DPP6: variants seen among roughly 807,000 people sequenced by gnomAD.
DPP6 encodes dipeptidyl peptidase like 6.
DPP6 carries 69 observed loss-of-function variants against 122.6 expected under a neutral mutation model. The ratio of observed to expected loss-of-function variants is 0.56; its 90% confidence interval spans 0.46 to 0.69. The LOEUF (loss-of-function observed/expected upper bound fraction) is 0.69, where lower values mean the gene tolerates loss of function less well. DPP6 is among the 30% of genes least tolerant of loss of function. The pLI is 0.00. For synonymous variants in DPP6, 418 were observed against 433.1 expected (o/e 0.97, Z 0.43); for missense variants, 928 against 1,116.9 (o/e 0.83, Z 2.41).
chr7:154,321,526 T>C (rs1257020198), intron 1 of DPP6, among the ~76,000 whole-genome samples: 3 of 151,882 alleles, frequency 2.0e-5, no homozygotes, highest in Non-Finnish European at 4.4e-5. Flanking sequence ...CTCACGTCTG[T>C]AATCCCAGCA....
At chr7:154,169,732 AATT>A (rs1408583343) in intron 1 of DPP6, among the ~76,000 whole-genome samples, 1 of 152,016 alleles carries the variant, frequency 6.6e-6, no homozygotes, top group African/African-American at 2.4e-5. Flanking sequence ...AAAGAGCCAA[AATT>A]ATTATTATTA....
intron 8 of DPP6, among the ~76,000 whole-genome samples, chr7:154,730,456 G>A (rs1385377801): frequency 2.6e-5 from 4 of 152,174 alleles, no homozygotes; most frequent in Non-Finnish European, 4.4e-5. Flanking sequence ...AGTGGAATAC[G>A]TGCAGCACAT....
the DPP6 span, among the ~76,000 whole-genome samples, chr7:153,841,548 T>A: frequency 2.6e-5 from 4 of 152,220 alleles, no homozygotes; most frequent in African/African-American, 9.6e-5. Context: ...GGAAGATTTG[T>A]GTCTTGTGAA....
the DPP6 span, among the ~76,000 whole-genome samples, chr7:153,826,540 T>A: frequency 1.3e-5 from 2 of 152,218 alleles, no homozygotes; most frequent in Non-Finnish European, 2.9e-5. Context: ...TTTGCATACA[T>A]ATTCTGAAAA....
chr7:154,864,113 T>C (rs1438999692), intron 17 of DPP6, among the ~76,000 whole-genome samples: 1 of 152,164 alleles, frequency 6.6e-6, no homozygotes, highest in Non-Finnish European at 1.5e-5. Context: ...AACAGGGAGA[T>C]GCCGGAGAGA....
chr7:154,807,210 G>C, intron 16 of DPP6, 98 bp downstream of exon 16: 1 of 1,500,170 alleles, frequency 6.7e-7, no homozygotes, highest in East Asian at 2.3e-5. Context: ...CGGCTGTGGT[G>C]GGAGCACAGC....
chr7:153,969,774 G>A (rs1795939745), intron 1 of DPP6, among the ~76,000 whole-genome samples: 1 of 150,646 alleles, frequency 6.6e-6, no homozygotes, highest in African/African-American at 2.5e-5. Context: ...ATGTAAGCAC[G>A]ATTATGATAC....
chr7:154,527,053 C>T (rs1187504787), intron 3 of DPP6, among the ~76,000 whole-genome samples: 1 of 152,156 alleles, frequency 6.6e-6, no homozygotes, highest in Admixed American at 6.5e-5. Context: ...TACGTTATAG[C>T]TGCATGATGT....
chr7:154,434,436 C>T (rs550925615), intron 1 of DPP6, among the ~76,000 whole-genome samples: 9 of 152,158 alleles, frequency 5.9e-5, no homozygotes, highest in East Asian at 1.9e-4. Flanking sequence ...ACTCTTCAGC[C>T]GCCGCTTCAC....
the DPP6 span, among the ~76,000 whole-genome samples, chr7:153,755,485 T>G: frequency 6.7e-6 from 1 of 148,484 alleles, no homozygotes; most frequent in Admixed American, 6.8e-5. Context: ...CTGAAAAATC[T>G]GAAGGTTTTC....
At chr7:154,060,325 C>G (rs1315814405) in intron 1 of DPP6, among the ~76,000 whole-genome samples, 2 of 136,326 alleles carry the variant, frequency 1.5e-5, no homozygotes, top group East Asian at 4.2e-4. Flanking sequence ...ACCCCCATCG[C>G]AGGAGGGGGA....
chr7:154,822,771 C>T (rs1412261992), intron 16 of DPP6, among the ~76,000 whole-genome samples: 1 of 152,174 alleles, frequency 6.6e-6, no homozygotes, highest in African/African-American at 2.4e-5. Flanking sequence ...TCCTGCTCCT[C>T]CATCCTATTT....
intron 1 of DPP6, among the ~76,000 whole-genome samples, chr7:153,943,182 A>G (rs527538734): frequency 1.2e-4 from 18 of 152,312 alleles, no homozygotes; most frequent in Middle Eastern, 6.8e-3. Flanking sequence ...TAGAGCACGA[A>G]ATACAAAAGT....
chr7:154,738,522 A>G (rs1228617810), intron 8 of DPP6, among the ~76,000 whole-genome samples: 2 of 152,242 alleles, frequency 1.3e-5, no homozygotes, highest in Non-Finnish European at 1.5e-5. Flanking sequence ...GGATGGGGGA[A>G]TTATCCTAGT....
At chr7:154,728,054 T>C (rs1159721926) in intron 8 of DPP6, among the ~76,000 whole-genome samples, 167 bp downstream of exon 8, 1 of 152,256 alleles carries the variant, frequency 6.6e-6, no homozygotes, top group African/African-American at 2.4e-5. Context: ...GGGATCAGGC[T>C]GATCAGCATC....
chr7:153,786,241 C>A, the DPP6 span, among the ~76,000 whole-genome samples: 1 of 134,946 alleles, frequency 7.4e-6, no homozygotes, highest in East Asian at 2.0e-4. Flanking sequence ...TATATATTAA[C>A]CCTTCTGTTG....
rs551402310 is a variant in DPP6 at position 153,930,663 on chromosome 7, G to A, written c.51+42929G>A. ...GTTCTTACCGAAAGACTTTTTAAAG[G>A]CATAAAACATGAGTGGTTCACCTGC... On this transcript the variant is annotated intron_variant, in intron 1 of 25. Transcript: ENST00000404039. Among the ~76,000 whole-genome samples, 14 of 152,262 alleles carry A rather than the reference G, an allele frequency of 9.2e-5. No homozygotes were observed. The East Asian group carries it at 2.7e-3, about 29-fold the overall frequency.
At chr7:154,476,402 C>CTGTATGTTCG (rs1282345981) in intron 3 of DPP6, among the ~76,000 whole-genome samples, 1 of 152,238 alleles carries the variant, frequency 6.6e-6, no homozygotes, top group East Asian at 1.9e-4. Flanking sequence ...TTCGTGTTCA[C>CTGTATGTTCG]TGTATGTTCG....
intron 1 of DPP6, among the ~76,000 whole-genome samples, chr7:154,108,751 T>C (rs28670933): frequency 0.057 from 8,624 of 152,234 alleles, 807 homozygotes; most frequent in African/African-American, 0.2. Context: ...CAGCAATGTG[T>C]GGTGGGCTGG....
Sources: gnomAD v4.1 joint callset for allele counts (sites outside exome capture counted in the v4.1 genomes callset) on GRCh38, gnomAD v4.1.1 for gene constraint, MANE v1.5 for transcripts, NCBI Gene and HGNC (gene_info 2026-07-23, HGNC 2026-07-21) for gene names.